SFSWAP: variants seen among roughly 807,000 people sequenced by gnomAD.
SFSWAP encodes splicing factor, suppressor of white-apricot homolog.
In SFSWAP, 17 loss-of-function variants were observed where a neutral mutation model predicts 100.7. The observed-to-expected ratio is 0.17, with a 90% CI of 0.12 to 0.25. SFSWAP has a LOEUF of 0.25. Ranked by LOEUF, SFSWAP falls within the 10% of genes least tolerant of loss-of-function variation. SFSWAP has a pLI of 1.00. For missense variants in SFSWAP, 1,005 were observed against 1,262.6 expected (o/e 0.80, Z 3.09); for synonymous variants, 504 against 510.1 (o/e 0.99, Z 0.16).
intron 7 of SFSWAP, among the ~76,000 whole-genome samples, chr12:131,729,551 C>G (rs191477069): frequency 6.6e-6 from 1 of 152,310 alleles, no homozygotes; most frequent in Admixed American, 6.5e-5. Flanking sequence ...AACATATGCA[C>G]TGAGAAATTA....
At position 131,785,244 on chromosome 12, in the gene SFSWAP, C is replaced by T. The variant is rs909186191; in HGVS notation, c.2409-1219C>T. Reference sequence around the variant, plus strand: ...AAACGTCAAGGTGTCTAACTGACCTCGCCTTTATCATCTGTTCTGTAAATC... The same window carrying T: ...AAACGTCAAGGTGTCTAACTGACCTTGCCTTTATCATCTGTTCTGTAAATC... On this transcript the variant is annotated intron_variant, in intron 14 of 17. Coordinates refer to ENST00000261674, the MANE Select transcript of SFSWAP (RefSeq NM_004592.4). 12 of 1,530,982 alleles carry T rather than the reference C, an allele frequency of 7.8e-6. No homozygotes were observed. In the East Asian group the frequency reaches 1.5e-4, roughly 19 times the overall value. The allele number at this position is 1,530,982 out of a possible 1,614,324, so 94.8% of individuals were successfully genotyped here.
intron 14 of SFSWAP, among the ~76,000 whole-genome samples, chr12:131,782,699 C>T (rs10459297): frequency 0.82 from 124,663 of 152,182 alleles, 53,584 homozygotes; most frequent in East Asian, 0.96. Context: ...TACAGCACAA[C>T]GAATATTTAT....
At chr12:131,770,250 T>G (rs547763792) in intron 13 of SFSWAP, among the ~76,000 whole-genome samples, 10 of 152,174 alleles carry the variant, frequency 6.6e-5, no homozygotes, top group Non-Finnish European at 1.5e-4. Flanking sequence ...ATTCTCGGAG[T>G]CCAGGAGGAC....
intron 13 of SFSWAP, among the ~76,000 whole-genome samples, chr12:131,772,010 C>T (rs1883653527): frequency 6.6e-6 from 1 of 152,146 alleles, no homozygotes; most frequent in Non-Finnish European, 1.5e-5. Flanking sequence ...AACTGGCTTT[C>T]CCTTAGCCTG....
At chr12:131,766,991 C>T (rs1211722652) in intron 13 of SFSWAP, among the ~76,000 whole-genome samples, 1 of 148,766 alleles carries the variant, frequency 6.7e-6, no homozygotes, top group Non-Finnish European at 1.5e-5. Context: ...GACACTGGCT[C>T]CTGTGCCAAG....
At chr12:131,713,002 T>G (rs571375549) in intron 1 of SFSWAP, 108 of 152,292 alleles carry the variant, frequency 7.1e-4, no homozygotes, top group African/African-American at 2.6e-3. Flanking sequence ...AAAATCCAAT[T>G]AATTTTGAAA....
intron 17 of SFSWAP, 39 bp from the exon 18 acceptor site, chr12:131,799,384 G>A (rs745407011): frequency 1.1e-5 from 17 of 1,602,914 alleles, no homozygotes; most frequent in Admixed American, 3.3e-5. Context: ...TGTCTGGCCA[G>A]GTCTTCACAG....
chr12:131,789,919 C>G (rs1466099518), intron 15 of SFSWAP, among the ~76,000 whole-genome samples: 1 of 152,180 alleles, frequency 6.6e-6, no homozygotes, highest in East Asian at 1.9e-4. Context: ...CTGCATCTGC[C>G]CCTTCGTCTC....
chr12:131,776,858 AAG>A (rs1884065374), intron 13 of SFSWAP, among the ~76,000 whole-genome samples: 1 of 152,264 alleles, frequency 6.6e-6, no homozygotes, highest in Non-Finnish European at 1.5e-5. Context: ...TTTCTGGGTA[AAG>A]AGGGGCAGGC....
At chr12:131,715,067 A>G (rs550244528) in intron 3 of SFSWAP, 114 bp downstream of exon 3, 701 of 1,040,236 alleles carry the variant, frequency 6.7e-4, no homozygotes, top group Non-Finnish European at 9.4e-4. Flanking sequence ...TAGCACCACT[A>G]TGACCACAGG....
chr12:131,792,440 CAT>C (rs766806908), intron 15 of SFSWAP, among the ~76,000 whole-genome samples: 2 of 147,954 alleles, frequency 1.4e-5, no homozygotes, highest in Non-Finnish European at 3.0e-5. Flanking sequence ...ACTGTGTGTG[CAT>C]ATGTGTGTGT....
At chr12:131,759,310 C>G (rs1882449239) in intron 11 of SFSWAP, among the ~76,000 whole-genome samples, 1 of 152,140 alleles carries the variant, frequency 6.6e-6, no homozygotes, top group Non-Finnish European at 1.5e-5. Flanking sequence ...AAATACCTCT[C>G]AACCCAGGCA....
intron 1 of SFSWAP, chr12:131,713,632 AC>A (rs1376509977): frequency 3.3e-5 from 5 of 152,312 alleles, no homozygotes; most frequent in African/African-American, 4.8e-5. Flanking sequence ...GGAAATTTCG[AC>A]CGTTTGGTTC....
chr12:131,766,954 T>G (rs958948222), intron 13 of SFSWAP, among the ~76,000 whole-genome samples: 3 of 150,092 alleles, frequency 2.0e-5, no homozygotes, highest in Non-Finnish European at 4.5e-5. Context: ...TGCTCCCTTG[T>G]GTGTCCGAGA....
intron 13 of SFSWAP, among the ~76,000 whole-genome samples, chr12:131,772,512 T>C (rs1183303982): frequency 6.6e-6 from 1 of 152,128 alleles, no homozygotes; most frequent in Non-Finnish European, 1.5e-5. Context: ...AGGGGGTGGC[T>C]CGTTTTCTCG....
At chr12:131,767,752 T>C (rs1241891888) in intron 13 of SFSWAP, among the ~76,000 whole-genome samples, 2 of 152,170 alleles carry the variant, frequency 1.3e-5, no homozygotes, top group African/African-American at 4.8e-5. Flanking sequence ...AGACACCACA[T>C]GTTCTCGCTT....
intron 13 of SFSWAP, among the ~76,000 whole-genome samples, chr12:131,766,829 A>T (rs1052111578): frequency 6.6e-6 from 1 of 152,262 alleles, no homozygotes; most frequent in African/African-American, 2.4e-5. Flanking sequence ...AGGGCCTTAC[A>T]TGGGGGTCAT....
intron 13 of SFSWAP, among the ~76,000 whole-genome samples, chr12:131,767,711 A>G (rs1314752387): frequency 5.3e-5 from 8 of 152,204 alleles, no homozygotes; most frequent in Non-Finnish European, 7.3e-5. Flanking sequence ...TCTCTCTTTA[A>G]AAAAATGAAT....
intron 6 of SFSWAP, among the ~76,000 whole-genome samples, chr12:131,727,578 G>C (rs1347140733): frequency 6.6e-6 from 1 of 152,202 alleles, no homozygotes; most frequent in East Asian, 1.9e-4. Flanking sequence ...CTAGTAAGTG[G>C]AGGTTGCAGT....
Sources: gnomAD v4.1 joint callset for allele counts (sites outside exome capture counted in the v4.1 genomes callset) on GRCh38, gnomAD v4.1.1 for gene constraint, MANE v1.5 for transcripts, NCBI Gene and HGNC (gene_info 2026-07-23, HGNC 2026-07-21) for gene names.